ARHGAP24: variants seen among roughly 807,000 people sequenced by gnomAD.
ARHGAP24 encodes Rho GTPase activating protein 24.
ARHGAP24 carries 50 observed loss-of-function variants against 76.4 expected under a neutral mutation model. The observed-to-expected ratio is 0.65, with a 90% CI of 0.52 to 0.83. The LOEUF (loss-of-function observed/expected upper bound fraction) is 0.83, where lower values mean the gene tolerates loss of function less well. Ranked by LOEUF, ARHGAP24 falls within the 40% of genes least tolerant of loss-of-function variation. The pLI is 0.00. For synonymous variants in ARHGAP24, 345 were observed against 323.3 expected, an observed-to-expected ratio of 1.07 and a Z score of -0.72; for missense variants, 930 against 914.2, an observed-to-expected ratio of 1.02 and a Z score of -0.22.
chr4:85,749,082 C>A (rs915053892), intron 3 of ARHGAP24, among the ~76,000 whole-genome samples: 1 of 152,174 alleles, frequency 6.6e-6, no homozygotes, highest in African/African-American at 2.4e-5. Flanking sequence ...TCCAGCCCAA[C>A]ATGAAATTGA....
chr4:85,794,684 T>G (rs1221725788), intron 3 of ARHGAP24, among the ~76,000 whole-genome samples: 1 of 152,216 alleles, frequency 6.6e-6, no homozygotes, highest in African/African-American at 2.4e-5. Flanking sequence ...GGTTTCGCCA[T>G]GTTGGCCAGG....
At chr4:85,802,379 T>C (rs1349291112) in intron 3 of ARHGAP24, among the ~76,000 whole-genome samples, 6 of 152,232 alleles carry the variant, frequency 3.9e-5, no homozygotes, top group Non-Finnish European at 5.9e-5. Context: ...AAATAACTCA[T>C]GTCTACCTAA....
At chr4:85,731,746 T>C (rs1181331034) in intron 3 of ARHGAP24, among the ~76,000 whole-genome samples, 2 of 152,220 alleles carry the variant, frequency 1.3e-5, no homozygotes, top group African/African-American at 2.4e-5. Flanking sequence ...ATGGAGGATA[T>C]TGAATGTTCC....
chr4:85,643,810 G>A (rs933715560), intron 2 of ARHGAP24, among the ~76,000 whole-genome samples: 2 of 152,134 alleles, frequency 1.3e-5, no homozygotes, highest in African/African-American at 4.8e-5. Flanking sequence ...ATCAATCAGT[G>A]AGAACTCTCA....
intron 3 of ARHGAP24, among the ~76,000 whole-genome samples, chr4:85,897,694 T>C (rs1027942): frequency 0.68 from 103,707 of 152,100 alleles, 35,679 homozygotes; most frequent in African/African-American, 0.72. Flanking sequence ...TATTTCTCCC[T>C]TTCTTGTTCT....
intron 5 of ARHGAP24, among the ~76,000 whole-genome samples, chr4:85,971,304 A>T (rs776431974): frequency 1.5e-4 from 23 of 152,220 alleles, no homozygotes; most frequent in Admixed American, 2.6e-4. Context: ...TTGAATACAC[A>T]CATATACCCA....
intron 2 of ARHGAP24, among the ~76,000 whole-genome samples, chr4:85,599,504 A>G (rs551221378): frequency 9.1e-4 from 138 of 152,306 alleles, no homozygotes; most frequent in Non-Finnish European, 1.2e-3. Context: ...ATCCATGATT[A>G]TTGGAAGAAA....
chr4:85,508,284 G>A (rs933339096), intron 1 of ARHGAP24, among the ~76,000 whole-genome samples: 1 of 152,072 alleles, frequency 6.6e-6, no homozygotes, highest in Admixed American at 6.6e-5. Context: ...GGGGAAATGA[G>A]GGCAAGATTT....
intron 3 of ARHGAP24, among the ~76,000 whole-genome samples, chr4:85,868,518 A>G (rs1483371635): frequency 6.6e-5 from 10 of 152,136 alleles, no homozygotes; most frequent in Admixed American, 5.9e-4. Flanking sequence ...TGAGTAATGA[A>G]ACAAAGTATT....
intron 3 of ARHGAP24, among the ~76,000 whole-genome samples, chr4:85,750,761 G>A (rs1027129968): frequency 3.9e-5 from 6 of 151,974 alleles, no homozygotes; most frequent in African/African-American, 1.2e-4. Flanking sequence ...GCCTCCCAAA[G>A]TGCGGGGATT....
At chr4:85,571,234 G>A (rs181122119) in intron 2 of ARHGAP24, among the ~76,000 whole-genome samples, 92 of 152,186 alleles carry the variant, frequency 6.0e-4, no homozygotes, top group African/African-American at 2.1e-3. Context: ...CATACATAAT[G>A]TACCAATCCT....
chr4:85,863,670 C>T (rs1732026543), intron 3 of ARHGAP24, among the ~76,000 whole-genome samples: 1 of 152,014 alleles, frequency 6.6e-6, no homozygotes, highest in Non-Finnish European at 1.5e-5. Flanking sequence ...CCTACATATA[C>T]TTCGACAACA....
chr4:85,828,377 A>G (rs965397239), intron 3 of ARHGAP24, among the ~76,000 whole-genome samples: 1 of 152,152 alleles, frequency 6.6e-6, no homozygotes, highest in Admixed American at 6.6e-5. Context: ...TGCTTTACCC[A>G]CATTTTAGTG....
chr4:85,682,381 G>T (rs1005675546), intron 2 of ARHGAP24, among the ~76,000 whole-genome samples: 5 of 152,198 alleles, frequency 3.3e-5, no homozygotes, highest in African/African-American at 9.6e-5. Context: ...CCAGTGGTTT[G>T]TGTTGTTTCA....
intron 3 of ARHGAP24, among the ~76,000 whole-genome samples, chr4:85,777,761 T>C (rs1452679): frequency 0.94 from 142,853 of 152,226 alleles, 67,699 homozygotes; most frequent in East Asian, 1. Flanking sequence ...GAATGTTCGA[T>C]AAATATTTGT....
intron 4 of ARHGAP24, 132 bp downstream of exon 4, chr4:85,923,902 A>G: frequency 1.5e-6 from 2 of 1,351,292 alleles, no homozygotes; most frequent in South Asian, 1.3e-5. Flanking sequence ...AAATTGTTCA[A>G]CATTATTGTT....
intron 3 of ARHGAP24, among the ~76,000 whole-genome samples, chr4:85,745,514 C>T (rs548624256): frequency 3.1e-4 from 46 of 149,148 alleles, no homozygotes; most frequent in Non-Finnish European, 5.9e-4. Context: ...TCCCTTCACT[C>T]CAGGAGTTCA....
chr4:85,956,858 G>A (rs1049755131), intron 5 of ARHGAP24, among the ~76,000 whole-genome samples: 2 of 152,140 alleles, frequency 1.3e-5, no homozygotes, highest in Admixed American at 6.5e-5. Context: ...CGGACCAGAA[G>A]AGAGTGCAGT....
At chr4:85,968,136 A>G (rs996670356) in intron 5 of ARHGAP24, among the ~76,000 whole-genome samples, 3 of 151,918 alleles carry the variant, frequency 2.0e-5, no homozygotes, top group East Asian at 3.9e-4. Flanking sequence ...GCCAGTTTCA[A>G]TTTTATTTAA....
Sources: gnomAD v4.1 joint callset for allele counts (sites outside exome capture counted in the v4.1 genomes callset) on GRCh38, gnomAD v4.1.1 for gene constraint, MANE v1.5 for transcripts, NCBI Gene and HGNC (gene_info 2026-07-23, HGNC 2026-07-21) for gene names.